Variants in FLRT2 observed in about 807,000 individuals in gnomAD.
FLRT2 encodes fibronectin leucine rich transmembrane protein 2, also known as leucine-rich repeat transmembrane protein FLRT2.
Under a neutral mutation model 40.0 loss-of-function variants are expected in FLRT2, and 15 were observed. That is an observed-to-expected ratio of 0.38 (90% CI 0.25 to 0.58). FLRT2 has a LOEUF of 0.58. Ranked by LOEUF, FLRT2 falls within the 20% of genes least tolerant of loss-of-function variation. The pLI is 0.71. For missense variants in FLRT2, 726 were observed against 840.0 expected (o/e 0.86, Z 1.68); for synonymous variants, 380 against 336.8 (o/e 1.13, Z -1.41).
At chr14:85,599,219 CTTTTTTT>C (rs67876387) in intron 1 of FLRT2, among the ~76,000 whole-genome samples, 18 of 129,314 alleles carry the variant, frequency 1.4e-4, no homozygotes, top group Admixed American at 1.2e-3. Context: ...TGCGCCTGGC[CTTTTTTT>C]TTTTTTTTTT....
Position 85,623,031 on chromosome 14 carries a change from A to G in FLRT2, c.1517A>G (p.Asp506Gly), listed in dbSNP as rs761157440. The G allele has an allele frequency of 1.9e-5, 30 of 1,614,022 alleles. No homozygotes were observed. Among genetic ancestry groups the G allele is most frequent in the Middle Eastern group, 3.3e-4 (2 of 6,084 alleles). Residue 506 changes from aspartate to glycine, a missense_variant, in exon 2 of 2, where the codon GAC becomes GGC. By Grantham distance (94) the Asp-to-Gly change is moderately conservative (BLOSUM62 -1). This residue lies in a region of FLRT2 where 611 missense variants were observed against 690.0 expected (regional missense o/e 0.89). Transcript: ENST00000330753. ...GCTTTTAACTACCGCGCGGTAGAAG[A>G]CACCATTTGTTCAGAGGCCACCACC... ...LDAFNYRAVE[D>G]TICSEATTHA...
Position 85,653,308 on chromosome 14 carries a change from T to C in FLRT2, c.*29811T>C, listed in dbSNP as rs914159655. Reference sequence around the variant, plus strand: ...ACTTGGAGAAGTACCAATTTTGTCATTCTAGATGAGAAATCTTCTGGTGCC... The same window carrying C: ...ACTTGGAGAAGTACCAATTTTGTCACTCTAGATGAGAAATCTTCTGGTGCC... On this transcript the variant is annotated 3_prime_UTR_variant, in exon 2 of 2. Transcript: ENST00000330753. 1.3e-5 allele frequency: 2 copies of C among 152,138 alleles called. No individual in the cohort carries two copies. Among genetic ancestry groups the C allele is most frequent in the African/African-American group, 2.4e-5 (1 of 41,426 alleles). The allele number at this position is 152,138 out of a possible 1,614,324, so 9.4% of individuals were successfully genotyped here.
rs1468358157 is a variant in FLRT2 at position 85,629,750 on chromosome 14, T to TATC, written c.*6256_*6258dup. 2.6e-5 allele frequency: 4 copies of TATC among 152,218 alleles called. No individual in the cohort carries two copies. Among genetic ancestry groups the TATC allele is most frequent in the African/African-American group, 9.6e-5 (4 of 41,462 alleles). The allele number at this position is 152,218 out of a possible 1,614,324, so 9.4% of individuals were successfully genotyped here. ...GCCTTCAGATTTTTCATGATGGAGCTATCATAACTTCTCAGTGGATACATA... is the reference window on the plus strand; with the variant it reads ...GCCTTCAGATTTTTCATGATGGAGCTATCATCATAACTTCTCAGTGGATACATA... On this transcript the variant is annotated 3_prime_UTR_variant, in exon 2 of 2. Transcript: ENST00000330753.
intron 1 of FLRT2, among the ~76,000 whole-genome samples, chr14:85,610,115 G>A (rs966336002): frequency 7.9e-5 from 12 of 152,082 alleles, no homozygotes; most frequent in African/African-American, 2.9e-4. Context: ...TCTTTACCCA[G>A]CATGGGTTCC....
intron 1 of FLRT2, among the ~76,000 whole-genome samples, chr14:85,612,148 G>GA (rs11298273): frequency 9.7e-5 from 14 of 144,178 alleles, no homozygotes; most frequent in Admixed American, 3.5e-4. Flanking sequence ...TTTAAAAAAA[G>GA]AAAAAAAAAA....
At chr14:85,579,015 GA>G (rs1252483858) in intron 1 of FLRT2, among the ~76,000 whole-genome samples, 1 of 152,326 alleles carries the variant, frequency 6.6e-6, no homozygotes, top group Non-Finnish European at 1.5e-5. Flanking sequence ...TCAGCTTTGG[GA>G]AAACACTTTG....
intron 1 of FLRT2, among the ~76,000 whole-genome samples, chr14:85,594,956 G>A (rs1892066583): frequency 6.6e-6 from 1 of 152,080 alleles, no homozygotes; most frequent in Non-Finnish European, 1.5e-5. Context: ...GAAATTGTAA[G>A]GAAAATACAT....
rs1894466796 is a variant in FLRT2, at chr14:85,652,833, C to T, written c.*29336C>T. The T allele has an allele frequency of 1.3e-5, 2 of 152,036 alleles. No homozygotes were observed. Among genetic ancestry groups the T allele is most frequent in the Admixed American group, 1.3e-4 (2 of 15,238 alleles). The allele number at this position is 152,036 out of a possible 1,614,324, so 9.4% of individuals were successfully genotyped here. A position where few individuals can be genotyped will look rare whatever the true frequency, so the allele number is the denominator to read the frequency against. ...AAAAGTTTTTGCTTGGCAAATCTTC[C>T]CCTCTAGGAGATTAAAGTATTTTTT... On this transcript the variant is annotated 3_prime_UTR_variant, in exon 2 of 2. Coordinates refer to ENST00000330753, the MANE Select transcript of FLRT2 (RefSeq NM_013231.6).
In FLRT2 at chr14:85,546,590, C is replaced by CA. The variant is rs551899635; in HGVS notation, c.-377+16059dup. Among the ~76,000 whole-genome samples, 12 of 152,308 alleles carry CA rather than the reference C, an allele frequency of 7.9e-5. No individual in the cohort carries two copies. The East Asian group carries it at 2.3e-3, about 29-fold the overall frequency. On this transcript the variant is annotated intron_variant, in intron 1 of 1. Coordinates refer to ENST00000330753, the MANE Select transcript of FLRT2 (RefSeq NM_013231.6). ...GGTGTTTCTTCTGTCTATGGAAGTG[C>CA]AAATTTAGCTGAATTGGGTAGAACC...
At chr14:85,606,144 A>G (rs1242179161) in intron 1 of FLRT2, among the ~76,000 whole-genome samples, 1 of 152,234 alleles carries the variant, frequency 6.6e-6, no homozygotes, top group Non-Finnish European at 1.5e-5. Flanking sequence ...GTTAAAAGGT[A>G]TAAGTGGCAT....
chr14:85,612,152 A>G (rs1595085250), intron 1 of FLRT2, among the ~76,000 whole-genome samples: 2 of 136,226 alleles, frequency 1.5e-5, no homozygotes, highest in South Asian at 4.2e-4. Context: ...AAAAAAGAAA[A>G]AAAAAAACAC....
chr14:85,563,462 G>T (rs1166637567), intron 1 of FLRT2, among the ~76,000 whole-genome samples: 3 of 152,184 alleles, frequency 2.0e-5, no homozygotes, highest in Non-Finnish European at 2.9e-5. Flanking sequence ...TGCACAGAAA[G>T]CATGGCTGGG....
chr14:85,621,577 C>A lies in FLRT2; in HGVS notation c.63C>A (p.Ile21=). Residue 21 remains isoleucine (I), a synonymous_variant, in exon 2 of 2, where the codon ATC becomes ATA. Transcript: ENST00000330753. ...CTTTTTTCCTGAAGTCTTGGCTTAT[C>A]ATTTCCCTGGGGCTCTACTCACAGG... ...HGAFFLKSWL[I]ISLGLYSQVS... The A allele has an allele frequency of 1.2e-6, 2 of 1,613,998 alleles. No homozygotes were observed. Among genetic ancestry groups the A allele is most frequent in the South Asian group, 1.1e-5 (1 of 91,070 alleles).
chr14:85,564,088 AGCGTTTT>A (rs1380158070), intron 1 of FLRT2, among the ~76,000 whole-genome samples: 1 of 152,154 alleles, frequency 6.6e-6, no homozygotes, highest in Non-Finnish European at 1.5e-5. Flanking sequence ...GGGTGGACAG[AGCGTTTT>A]GCTTTTCTAT....
intron 1 of FLRT2, among the ~76,000 whole-genome samples, chr14:85,535,835 A>T (rs1888610934): frequency 6.7e-6 from 1 of 149,634 alleles, no homozygotes; most frequent in Non-Finnish European, 1.5e-5. Flanking sequence ...TGTAAAAAGA[A>T]TTGGGCTAGC....
intron 1 of FLRT2, among the ~76,000 whole-genome samples, chr14:85,550,882 C>T (rs1889580820): frequency 6.6e-6 from 1 of 152,018 alleles, no homozygotes; most frequent in Non-Finnish European, 1.5e-5. Flanking sequence ...TATTAGCGAC[C>T]CTTAAAAATA....
intron 1 of FLRT2, among the ~76,000 whole-genome samples, chr14:85,620,716 T>A (rs1443372535): frequency 1.3e-5 from 2 of 152,218 alleles, no homozygotes; most frequent in African/African-American, 2.4e-5. Context: ...TCCCCTTCAC[T>A]TTTGCTAGCT....
rs1430006984 is a variant in FLRT2, at chr14:85,621,392, G to A, written c.-123G>A. 8 of 839,166 alleles carry A rather than the reference G, an allele frequency of 9.5e-6. No individual in the cohort carries two copies. The highest frequency in any genetic ancestry group is 1.7e-5 in the African/African-American group (1 of 58,136). 52.0% of individuals were successfully genotyped at this position (839,166 alleles called of 1,614,324 possible). ...TTATTTTACCATACGCCCTCAGGAC[G>A]TTCCCTCTAGCTGGAGTTCTGGACT... is the stretch of plus-strand genomic sequence containing the variant. On this transcript the variant is annotated 5_prime_UTR_variant, in exon 2 of 2. Transcript: ENST00000330753.
At position 85,622,816 on chromosome 14, in the gene FLRT2, T is replaced by G. The variant is rs746283246; in HGVS notation, c.1302T>G (p.Asp434Glu). Residue 434 changes from aspartate (D) to glutamate (E), a missense_variant, in exon 2 of 2, where the codon GAT (aspartate) becomes GAG (glutamate). Physicochemically the swap from Asp to Glu is conservative, Grantham distance 45. Transcript: ENST00000330753. Reference protein sequence around the residue: ...RIQLSIHFVNDTSIQVSWLSL... With the variant: ...RIQLSIHFVNETSIQVSWLSL... Reference sequence around the variant, plus strand: ...AGCTCTCTATCCATTTTGTGAATGATACTTCCATTCAAGTCAGCTGGCTCT... The same window carrying G: ...AGCTCTCTATCCATTTTGTGAATGAGACTTCCATTCAAGTCAGCTGGCTCT... 1.2e-6 allele frequency: 2 copies of G among 1,614,196 alleles called. No individual in the cohort carries two copies.
Sources: gnomAD v4.1 joint callset for allele counts (sites outside exome capture counted in the v4.1 genomes callset) on GRCh38, gnomAD v4.1.1 for gene constraint, gnomAD v4.1.1 regional missense constraint, MANE v1.5 for transcripts, NCBI Gene and HGNC (gene_info 2026-07-23, HGNC 2026-07-21) for gene names.